Variants in SRRD observed in about 807,000 individuals in gnomAD.
SRRD encodes the protein SRR1 domain containing.
In SRRD, 28 loss-of-function variants were observed where a neutral mutation model predicts 30.7. That is an observed-to-expected ratio of 0.91 (90% CI 0.68 to 1.25). The LOEUF (loss-of-function observed/expected upper bound fraction) is 1.25. Among genes scored for constraint, SRRD ranks in the 50% most tolerant of loss-of-function variants. The probability of loss-of-function intolerance (pLI) is 0.00; values close to 1 mark genes in which losing one functional copy is unlikely to be tolerated. For synonymous variants in SRRD, 161 were observed against 159.6 expected (o/e 1.01, Z -0.07); for missense variants, 415 against 417.3 (o/e 0.99, Z 0.05).
At chr22:26,487,820 G>A (rs893620387) in intron 2 of SRRD, among the ~76,000 whole-genome samples, 3 of 152,188 alleles carry the variant, frequency 2.0e-5, no homozygotes, top group Admixed American at 6.5e-5. Flanking sequence ...TCCAGGGGCC[G>A]GGACAGTTTG....
chr22:26,494,417 T>A lies in SRRD; in HGVS notation c.*2745T>A. 8.0e-7 allele frequency: 1 copy of A among 1,248,282 alleles called. No homozygotes were observed. Among genetic ancestry groups the A allele is most frequent in the Non-Finnish European group, 1.2e-6 (1 of 867,854 alleles). 77.3% of individuals were successfully genotyped at this position (1,248,282 alleles called of 1,614,324 possible). A position where few individuals can be genotyped will look rare whatever the true frequency, so the allele number is the denominator to read the frequency against. On this transcript the variant is annotated 3_prime_UTR_variant, in exon 7 of 7. Transcript: ENST00000215917. ...GGTCCTACAGGCTAGTGACACTACTTTACAGGGATTTATAGTAGCTAAACA... is the reference window on the plus strand; with the variant it reads ...GGTCCTACAGGCTAGTGACACTACTATACAGGGATTTATAGTAGCTAAACA...
At chr22:26,490,281 C>A in intron 5 of SRRD, 83 bp downstream of exon 5, 1 of 1,468,540 alleles carries the variant, frequency 6.8e-7, no homozygotes. Flanking sequence ...AAAACATTTC[C>A]TTGACGATTC....
chr22:26,494,652 CTATGAAGATGACCT>C, exon 7 of SRRD: 1 of 1,160,594 alleles, frequency 8.6e-7, no homozygotes, highest in Non-Finnish European at 1.2e-6. Flanking sequence ...ATGGTGCCCA[CTATGAAGATGACCT>C]AACTCATTCC....
rs1215257574 is a variant in SRRD at position 26,491,895 on chromosome 22, T to C, written c.*223T>C. The C allele has an allele frequency of 9.2e-7, 1 of 1,092,698 alleles. No individual in the cohort carries two copies. The highest frequency in any genetic ancestry group is 1.3e-6 in the Non-Finnish European group (1 of 768,098). The allele number at this position is 1,092,698 out of a possible 1,614,324, so 67.7% of individuals were successfully genotyped here. Reference sequence around the variant, plus strand: ...ATCCTTCCCTCATGACCTGGCCTGATGTGGAGTAGCTCCTGAGTAAAGAAG... The same window carrying C: ...ATCCTTCCCTCATGACCTGGCCTGACGTGGAGTAGCTCCTGAGTAAAGAAG... On this transcript the variant is annotated 3_prime_UTR_variant, in exon 7 of 7. Coordinates refer to ENST00000215917, the MANE Select transcript of SRRD (RefSeq NM_001013694.3).
Position 26,494,165 on chromosome 22 carries a change from A to G in SRRD, c.*2493A>G. The G allele has an allele frequency of 1.2e-6, 2 of 1,614,246 alleles. No individual in the cohort carries two copies. The highest frequency in any genetic ancestry group is 8.5e-7 in the Non-Finnish European group (1 of 1,180,038). ...AACGTTGGAGGACACCGCCCGGTTCATGATATCAAGTGCCTCATTAAATTT... is the reference window on the plus strand; with the variant it reads ...AACGTTGGAGGACACCGCCCGGTTCGTGATATCAAGTGCCTCATTAAATTT... On this transcript the variant is annotated 3_prime_UTR_variant, in exon 7 of 7. Coordinates refer to ENST00000215917, the MANE Select transcript of SRRD (RefSeq NM_001013694.3).
In SRRD at chr22:26,491,886, C is replaced by G; in HGVS notation, c.*214C>G. 1 of 1,051,430 alleles carries G rather than the reference C, an allele frequency of 9.5e-7. No individual in the cohort carries two copies. Among genetic ancestry groups the G allele is most frequent in the African/African-American group, 1.6e-5 (1 of 62,586 alleles). 65.1% of individuals were successfully genotyped at this position (1,051,430 alleles called of 1,614,324 possible). Reference sequence around the variant, plus strand: ...CCATTTTACATCCTTCCCTCATGACCTGGCCTGATGTGGAGTAGCTCCTGA... The same window carrying G: ...CCATTTTACATCCTTCCCTCATGACGTGGCCTGATGTGGAGTAGCTCCTGA... On this transcript the variant is annotated 3_prime_UTR_variant, in exon 7 of 7. Coordinates refer to ENST00000215917, the MANE Select transcript of SRRD (RefSeq NM_001013694.3).
At position 26,491,843 on chromosome 22, in the gene SRRD, G is replaced by C; in HGVS notation, c.*171G>C. 1 of 915,152 alleles carries C rather than the reference G, an allele frequency of 1.1e-6. No homozygotes were observed. The highest frequency in any genetic ancestry group is 1.7e-5 in the South Asian group (1 of 57,328). The allele number at this position is 915,152 out of a possible 1,614,324, so 56.7% of individuals were successfully genotyped here. A position where few individuals can be genotyped will look rare whatever the true frequency, so the allele number is the denominator to read the frequency against. The stretch of plus-strand genomic sequence containing the variant: ...ATGAGGACTTGGTATAAAGATTCCT[G>C]CCCTACGTGGCATTGTCCCATTTTA... On this transcript the variant is annotated 3_prime_UTR_variant, in exon 7 of 7. Transcript: ENST00000215917.
rs762867847 is a variant in SRRD at position 26,490,998 on chromosome 22, GTTT to G, written c.765-22_765-20del. 1.5e-5 allele frequency: 23 copies of G among 1,545,388 alleles called. No individual in the cohort carries two copies. In the East Asian group the frequency reaches 5.0e-4, roughly 34 times the overall value. On this transcript the variant is annotated intron_variant, in intron 5 of 6. Transcript: ENST00000215917. ...CTCCTAATCATGGTGTTTTTTTTTT[GTTT>G]TTTTGGTTTTTTTTAATTTCTAGGT... is the stretch of plus-strand genomic sequence containing the variant.
chr22:26,493,809 A>T lies in SRRD; in HGVS notation c.*2137A>T. On this transcript the variant is annotated 3_prime_UTR_variant, in exon 7 of 7. Transcript: ENST00000215917. Reference sequence around the variant, plus strand: ...ACACTGTAAGATGCGTCACCTAAGCAGCATGCTCAGGCATGAATGAGCCTT... The same window carrying T: ...ACACTGTAAGATGCGTCACCTAAGCTGCATGCTCAGGCATGAATGAGCCTT... 1 of 289,100 alleles carries T rather than the reference A, an allele frequency of 3.5e-6. No individual in the cohort carries two copies. The highest frequency in any genetic ancestry group is 3.9e-5 in the South Asian group (1 of 25,838). The allele number at this position is 289,100 out of a possible 1,614,324, so 17.9% of individuals were successfully genotyped here.
Position 26,494,057 on chromosome 22 carries a change from G to C in SRRD, c.*2385G>C. 5.2e-6 allele frequency: 8 copies of C among 1,533,638 alleles called. No homozygotes were observed. Among genetic ancestry groups the C allele is most frequent in the Non-Finnish European group, 6.2e-6 (7 of 1,126,298 alleles). ...AGGTTTAGGCTGCCTACAGGAACCA[G>C]AAAACTCTGATTCTGTGTCATTTAC... On this transcript the variant is annotated 3_prime_UTR_variant, in exon 7 of 7. Coordinates refer to ENST00000215917, the MANE Select transcript of SRRD (RefSeq NM_001013694.3).
At position 26,492,231 on chromosome 22, in the gene SRRD, C is replaced by T. The variant is rs144403503; in HGVS notation, c.*559C>T. The T allele has an allele frequency of 1.2e-4, 189 of 1,614,112 alleles. No individual in the cohort carries two copies. In the African/African-American group the frequency reaches 2.3e-3, roughly 20 times the overall value. ...TTAAAGTTCATGGGCACAGAGCTAGCGGCCACGCCAATGCCCCTCTGAGCC... is the reference window on the plus strand; with the variant it reads ...TTAAAGTTCATGGGCACAGAGCTAGTGGCCACGCCAATGCCCCTCTGAGCC... On this transcript the variant is annotated 3_prime_UTR_variant, in exon 7 of 7. Coordinates refer to ENST00000215917, the MANE Select transcript of SRRD (RefSeq NM_001013694.3).
At chr22:26,485,976 G>A in intron 1 of SRRD, 47 bp from the exon 2 acceptor site, 2 of 1,612,538 alleles carry the variant, frequency 1.2e-6, no homozygotes, top group Non-Finnish European at 1.7e-6. Flanking sequence ...TGTTGGGGCA[G>A]CCCTGAGATG....
chr22:26,490,989 T>G lies in SRRD; in HGVS notation c.765-36T>G, dbSNP rs543513841. On this transcript the variant is annotated intron_variant, in intron 5 of 6. Coordinates refer to ENST00000215917, the MANE Select transcript of SRRD (RefSeq NM_001013694.3). ...TCCTCATACCTCCTAATCATGGTGT[T>G]TTTTTTTTGTTTTTTTGGTTTTTTT... 3.3e-3 allele frequency: 4,616 copies of G among 1,381,680 alleles called. 102 individuals carry two copies. In the African/African-American group the frequency reaches 0.096, roughly 29 times the overall value. 85.6% of individuals were successfully genotyped at this position (1,381,680 alleles called of 1,614,324 possible). A position where few individuals can be genotyped will look rare whatever the true frequency, so the allele number is the denominator to read the frequency against.
In SRRD at chr22:26,488,293, A is replaced by AT. The variant is rs748066678; in HGVS notation, c.510+10dup. On this transcript the variant is annotated splice_donor_region_variant and intron_variant, in intron 3 of 6. Transcript: ENST00000215917. ...CTTTTGTTGGAAAAGTGCCAGGTAC[A>AT]TTTTTGGATTCATTTTCATCTCCTC... The AT allele has an allele frequency of 6.0e-5, 97 of 1,613,018 alleles. No individual in the cohort carries two copies. The highest frequency in any genetic ancestry group is 8.1e-5 in the Non-Finnish European group (96 of 1,179,198).
At chr22:26,487,674 C>T (rs2091718178) in intron 2 of SRRD, among the ~76,000 whole-genome samples, 1 of 152,144 alleles carries the variant, frequency 6.6e-6, no homozygotes, top group Admixed American at 6.5e-5. Flanking sequence ...TTTAAAAGTA[C>T]GCATTTCAGA....
chr22:26,485,905 G>A, intron 1 of SRRD, 118 bp from the exon 2 acceptor site: 1 of 1,137,808 alleles, frequency 8.8e-7, no homozygotes, highest in South Asian at 1.3e-5. Flanking sequence ...TGGTAAGGGT[G>A]GGCCCTGCAT....
Position 26,491,881 on chromosome 22 carries a change from A to G in SRRD, c.*209A>G. 3.9e-6 allele frequency: 4 copies of G among 1,032,266 alleles called. No individual in the cohort carries two copies. The highest frequency in any genetic ancestry group is 5.6e-6 in the Non-Finnish European group (4 of 719,284). 63.9% of individuals were successfully genotyped at this position (1,032,266 alleles called of 1,614,324 possible). ...TTGTCCCATTTTACATCCTTCCCTCATGACCTGGCCTGATGTGGAGTAGCT... is the reference window on the plus strand; with the variant it reads ...TTGTCCCATTTTACATCCTTCCCTCGTGACCTGGCCTGATGTGGAGTAGCT... On this transcript the variant is annotated 3_prime_UTR_variant, in exon 7 of 7. Transcript: ENST00000215917.
At position 26,494,456 on chromosome 22, in the gene SRRD, G is replaced by T; in HGVS notation, c.*2784G>T. 1.0e-6 allele frequency: 1 copy of T among 953,122 alleles called. No individual in the cohort carries two copies. The highest frequency in any genetic ancestry group is 1.6e-6 in the Non-Finnish European group (1 of 638,720). 59.0% of individuals were successfully genotyped at this position (953,122 alleles called of 1,614,324 possible). A position where few individuals can be genotyped will look rare whatever the true frequency, so the allele number is the denominator to read the frequency against. ...AGTAGCTAAACAGTCTAGCACTTAT[G>T]AATATGGATTTTGGAGTCAGCCTGG... On this transcript the variant is annotated 3_prime_UTR_variant, in exon 7 of 7. Coordinates refer to ENST00000215917, the MANE Select transcript of SRRD (RefSeq NM_001013694.3).
In SRRD at chr22:26,491,800, T is replaced by G; in HGVS notation, c.*128T>G. Reference sequence around the variant, plus strand: ...AGAACATCAACTTGGCTGTCCTGTTTTGAGGACGATACCCCACATGAGGAC... The same window carrying G: ...AGAACATCAACTTGGCTGTCCTGTTGTGAGGACGATACCCCACATGAGGAC... On this transcript the variant is annotated 3_prime_UTR_variant, in exon 7 of 7. Transcript: ENST00000215917. 2.0e-6 allele frequency: 2 copies of G among 979,854 alleles called. No individual in the cohort carries two copies. Among genetic ancestry groups the G allele is most frequent in the Non-Finnish European group, 3.0e-6 (2 of 674,870 alleles). 60.7% of individuals were successfully genotyped at this position (979,854 alleles called of 1,614,324 possible).
Sources: allele counts gnomAD v4.1 joint callset (sites outside exome capture counted in the v4.1 genomes callset), GRCh38; gene constraint gnomAD v4.1.1; transcripts MANE v1.5; gene names NCBI Gene and HGNC (gene_info 2026-07-23, HGNC 2026-07-21).